Variants in ERBB4 observed in about 807,000 individuals in gnomAD.
The protein encoded by ERBB4 is erb-b2 receptor tyrosine kinase 4.
Under a neutral mutation model 158.0 loss-of-function variants are expected in ERBB4, and 42 were observed. The observed-to-expected ratio is 0.27, with a 90% CI of 0.21 to 0.34. The LOEUF (loss-of-function observed/expected upper bound fraction) is 0.34. Among genes scored for constraint, ERBB4 ranks in the 10% least tolerant of loss-of-function variants. The pLI, the probability that ERBB4 is intolerant of heterozygous loss-of-function variation, is 1.00. For missense variants in ERBB4, 1,333 were observed against 1,624.1 expected (o/e 0.82, Z 3.08); for synonymous variants, 583 against 558.7 (o/e 1.04, Z -0.61).
In ERBB4 at chr2:211,988,623, G is replaced by T. The variant is rs138847063; in HGVS notation, c.235-41007C>A. 1.0e-3 allele frequency among the ~76,000 whole-genome samples: 158 copies of T among 152,136 alleles called. 1 individual carries two copies. Among genetic ancestry groups the T allele is most frequent in the Non-Finnish European group, 1.4e-3 (93 of 67,934 alleles). The stretch of plus-strand genomic sequence containing the variant: ...TCTTTACAATTGAAGATGGGAATAA[G>T]ACAGGTGTCAAACATTTTAATTCAC... On this transcript the variant is annotated intron_variant, in intron 2 of 27. Transcript: ENST00000342788.
At chr2:211,866,299 G>A (rs1373379639) in intron 3 of ERBB4, among the ~76,000 whole-genome samples, 4 of 151,842 alleles carry the variant, frequency 2.6e-5, no homozygotes, top group Admixed American at 1.3e-4. Context: ...CTTGTCTCTG[G>A]GTTCCACTCT....
intron 1 of ERBB4, among the ~76,000 whole-genome samples, chr2:212,498,997 A>C (rs1323165685): frequency 1.3e-5 from 2 of 152,004 alleles, no homozygotes; most frequent in African/African-American, 4.8e-5. Context: ...TCATGGCAAC[A>C]ATATTTTATT....
chr2:212,092,697 C>T (rs1399140855), intron 2 of ERBB4, among the ~76,000 whole-genome samples: 1 of 152,046 alleles, frequency 6.6e-6, no homozygotes, highest in Non-Finnish European at 1.5e-5. Flanking sequence ...TTGAATGATG[C>T]TTTCTTAGTG....
rs1339956371 is a variant in ERBB4 at position 211,382,319 on chromosome 2, CAT to C, written c.*1294_*1295del. On this transcript the variant is annotated 3_prime_UTR_variant, in exon 28 of 28. Transcript: ENST00000342788. Reference sequence around the variant, plus strand: ...AAATTTCCTTGCGTAGCAAAGGTGACATATGAAGATAATGTGCTGGCCTCTCA... The same window carrying C: ...AAATTTCCTTGCGTAGCAAAGGTGACATGAAGATAATGTGCTGGCCTCTCA... 4.3e-6 allele frequency: 1 copy of C among 232,356 alleles called. No homozygotes were observed. The highest frequency in any genetic ancestry group is 2.2e-5 in the African/African-American group (1 of 45,304). 14.4% of individuals were successfully genotyped at this position (232,356 alleles called of 1,614,324 possible).
chr2:212,198,047 T>C (rs1294864881), intron 1 of ERBB4, among the ~76,000 whole-genome samples: 1 of 152,178 alleles, frequency 6.6e-6, no homozygotes, highest in African/African-American at 2.4e-5. Flanking sequence ...AAGTGATACA[T>C]AATATGCCGT....
intron 1 of ERBB4, among the ~76,000 whole-genome samples, chr2:212,433,989 T>G (rs1426876813): frequency 6.6e-6 from 1 of 151,972 alleles, no homozygotes; most frequent in East Asian, 1.9e-4. Flanking sequence ...AAACTACCTC[T>G]CAGGAAACCA....
At chr2:212,047,244 A>G (rs1350882850) in intron 2 of ERBB4, among the ~76,000 whole-genome samples, 1 of 152,200 alleles carries the variant, frequency 6.6e-6, no homozygotes, top group Non-Finnish European at 1.5e-5. Flanking sequence ...TAACTCAAAT[A>G]TACATGAATT....
chr2:211,392,593 CACACACA>C (rs2062823628), intron 25 of ERBB4, among the ~76,000 whole-genome samples: 1 of 144,288 alleles, frequency 6.9e-6, no homozygotes, highest in African/African-American at 2.5e-5. Context: ...CACACACACA[CACACACA>C]CCCCAATAAT....
intron 1 of ERBB4, among the ~76,000 whole-genome samples, chr2:212,170,732 A>C (rs78939632): frequency 0.13 from 19,506 of 152,156 alleles, 4,188 homozygotes; most frequent in African/African-American, 0.45. Flanking sequence ...TGGTGACTTC[A>C]CATGGTGTTG....
At chr2:212,040,015 T>C (rs1369696346) in intron 2 of ERBB4, among the ~76,000 whole-genome samples, 1 of 151,940 alleles carries the variant, frequency 6.6e-6, no homozygotes, top group East Asian at 1.9e-4. Context: ...AAGTGAACTA[T>C]GTTTTTTTTT....
chr2:212,315,243 T>C (rs1309770832), intron 1 of ERBB4, among the ~76,000 whole-genome samples: 1 of 151,350 alleles, frequency 6.6e-6, no homozygotes, highest in Non-Finnish European at 1.5e-5. Flanking sequence ...ACTCAAGAAA[T>C]GACAATGAGC....
intron 3 of ERBB4, among the ~76,000 whole-genome samples, chr2:211,920,992 C>T (rs771776460): frequency 1.3e-5 from 2 of 151,756 alleles, no homozygotes; most frequent in African/African-American, 4.8e-5. Flanking sequence ...ATATTTTAAG[C>T]ACAAATATAT....
At chr2:212,536,459 A>G (rs1352480560) in intron 1 of ERBB4, among the ~76,000 whole-genome samples, 1 of 152,150 alleles carries the variant, frequency 6.6e-6, no homozygotes, top group Non-Finnish European at 1.5e-5. Flanking sequence ...TGTGTTTTGA[A>G]CAAGTGAGGC....
At position 211,520,369 on chromosome 2, in the gene ERBB4, C is replaced by G. The variant is rs556635651; in HGVS notation, c.2487+41534G>C. 1.4e-4 allele frequency among the ~76,000 whole-genome samples: 21 copies of G among 152,060 alleles called. No individual in the cohort carries two copies. In the East Asian group the frequency reaches 3.3e-3, roughly 24 times the overall value. The stretch of plus-strand genomic sequence containing the variant: ...TTGTCAGACTGTTACAGGGAGAAGA[C>G]GACATATTCAATAAAGAAGAGATTA... On this transcript the variant is annotated intron_variant, in intron 20 of 27. Coordinates refer to ENST00000342788, the MANE Select transcript of ERBB4 (RefSeq NM_005235.3).
At chr2:211,646,596 CT>C (rs1266595620) in intron 16 of ERBB4, among the ~76,000 whole-genome samples, 1 of 151,590 alleles carries the variant, frequency 6.6e-6, no homozygotes, top group East Asian at 1.9e-4. Flanking sequence ...TACTGATTTA[CT>C]AGTAATCTGT....
chr2:211,685,809 G>T (rs555698403), intron 12 of ERBB4, among the ~76,000 whole-genome samples: 1 of 152,100 alleles, frequency 6.6e-6, no homozygotes, highest in Non-Finnish European at 1.5e-5. Flanking sequence ...TCAGTATTTT[G>T]TAGTTTTCAG....
chr2:211,614,269 C>A (rs1354697964), intron 19 of ERBB4, among the ~76,000 whole-genome samples: 4 of 151,764 alleles, frequency 2.6e-5, no homozygotes, highest in Non-Finnish European at 5.9e-5. Context: ...TTACCAGAGG[C>A]TGGGAAAGGT....
intron 1 of ERBB4, among the ~76,000 whole-genome samples, chr2:212,407,636 T>C (rs914784599): frequency 2.0e-5 from 3 of 152,104 alleles, no homozygotes; most frequent in East Asian, 1.9e-4. Flanking sequence ...GTAATATATA[T>C]ATGTATATAT....
chr2:211,561,849 T>A, intron 20 of ERBB4, 54 bp downstream of exon 20: 1 of 1,456,108 alleles, frequency 6.9e-7, no homozygotes, highest in African/African-American at 1.4e-5. Context: ...CTGTTCCAGG[T>A]TAGGAAATAT....
Sources: gnomAD v4.1 joint callset for allele counts (sites outside exome capture counted in the v4.1 genomes callset) on GRCh38, gnomAD v4.1.1 for gene constraint, MANE v1.5 for transcripts, NCBI Gene and HGNC (gene_info 2026-07-23, HGNC 2026-07-21) for gene names.